The following BRIP1 variants were observed in gnomAD, a reference collection of about 807,000 sequenced individuals.
BRIP1 encodes the protein BRCA1 interacting DNA helicase 1.
BRIP1 carries 88 observed loss-of-function variants against 119.7 expected under a neutral mutation model. The observed-to-expected ratio is 0.74, with a 90% CI of 0.62 to 0.88. BRIP1 has a LOEUF of 0.88. BRIP1 is among the 40% of genes least tolerant of loss of function. The pLI, the probability that BRIP1 is intolerant of heterozygous loss-of-function variation, is 0.00. For synonymous variants in BRIP1, 443 were observed against 496.5 expected (o/e 0.89, Z 1.43); for missense variants, 1,259 against 1,455.4 (o/e 0.87, Z 2.20).
chr17:61,755,378 G>A lies in BRIP1; in HGVS notation c.2098-10787C>T. On this transcript the variant is annotated intron_variant, in intron 14 of 19. Transcript: ENST00000259008. The surrounding 1 kb of genome is among the most constrained non-coding windows in gnomAD (Gnocchi z 4.5). ...AGTTCAAGACCAGCCTGGGCAACTT[G>A]GCAAAACCCTGTATCTACAAAAGTA... 6.6e-6 allele frequency among the ~76,000 whole-genome samples: 1 copy of A among 151,922 alleles called. No homozygotes were observed. Among genetic ancestry groups the A allele is most frequent in the East Asian group, 1.9e-4 (1 of 5,162 alleles).
In BRIP1 at chr17:61,774,521, A is replaced by G. The variant is rs541069641; in HGVS notation, c.2097+1880T>C. On this transcript the variant is annotated intron_variant, in intron 14 of 19. Coordinates refer to ENST00000259008, the MANE Select transcript of BRIP1 (RefSeq NM_032043.3). The surrounding 1 kb of genome is among the most constrained non-coding windows in gnomAD (Gnocchi z 5.8). The stretch of plus-strand genomic sequence containing the variant: ...GATGGGTGCAGCAAACCAGCATGGC[A>G]CATGTATACGTATGTAACAAACCTG... Among the ~76,000 whole-genome samples, 92 of 152,332 alleles carry G rather than the reference A, an allele frequency of 6.0e-4. 1 individual carries two copies. The highest frequency in any genetic ancestry group is 6.0e-3 in the Admixed American group (92 of 15,304).
In BRIP1 at chr17:61,710,171, T is replaced by A. The variant is rs1413367188; in HGVS notation, c.2492+5780A>T. 2.0e-5 allele frequency among the ~76,000 whole-genome samples: 3 copies of A among 152,146 alleles called. No individual in the cohort carries two copies. Among genetic ancestry groups the A allele is most frequent in the African/African-American group, 4.8e-5 (2 of 41,448 alleles). ...TAGCTGGGCTCTCCATTTAAAAAAA[T>A]TAATAAAATTCTAAAAGTACAGTAT... On this transcript the variant is annotated intron_variant, in intron 17 of 19. Transcript: ENST00000259008. This position sits in a 1 kb window ranked among gnomAD's most constrained non-coding sequence, Gnocchi z 5.4.
chr17:61,797,178 C>T (rs1474149983), intron 9 of BRIP1, among the ~76,000 whole-genome samples: 1 of 151,892 alleles, frequency 6.6e-6, no homozygotes, highest in Non-Finnish European at 1.5e-5. Context: ...ATATTCTAAG[C>T]TATGATACTA....
At chr17:61,838,554 T>C (rs866254302) in intron 6 of BRIP1, among the ~76,000 whole-genome samples, 3 of 129,500 alleles carry the variant, frequency 2.3e-5, no homozygotes, top group African/African-American at 3.4e-5. Context: ...AAAAAATAAA[T>C]AAATAAATAA....
rs1006436757 is a variant in BRIP1, at chr17:61,846,341, G to A, written c.627+760C>T. Among the ~76,000 whole-genome samples the A allele has an allele frequency of 6.6e-5, 10 of 151,790 alleles. No individual in the cohort carries two copies. Among genetic ancestry groups the A allele is most frequent in the South Asian group, 6.2e-4 (3 of 4,806 alleles). On this transcript the variant is annotated intron_variant, in intron 6 of 19. Transcript: ENST00000259008. The surrounding 1 kb of genome is among the most constrained non-coding windows in gnomAD (Gnocchi z 4.3). ...CAGTTTTACCCATTCTTGCTTTTGC[G>A]CCACCAGTACAAATGTCAAGACAAT... is the stretch of plus-strand genomic sequence containing the variant.
chr17:61,805,236 A>G lies in BRIP1; in HGVS notation c.918+3231T>C, dbSNP rs1034075772. On this transcript the variant is annotated intron_variant, in intron 7 of 19. Coordinates refer to ENST00000259008, the MANE Select transcript of BRIP1 (RefSeq NM_032043.3). This position sits in a 1 kb window ranked among gnomAD's most constrained non-coding sequence, Gnocchi z 5.6. ...ATAACCTATAAAAGAATGTCAGCAA[A>G]TCAAAGGACAAGACATGAATAGCTG... is the stretch of plus-strand genomic sequence containing the variant. 3.9e-5 allele frequency among the ~76,000 whole-genome samples: 6 copies of G among 152,164 alleles called. No individual in the cohort carries two copies. Among genetic ancestry groups the G allele is most frequent in the Non-Finnish European group, 8.8e-5 (6 of 68,018 alleles).
In BRIP1 at chr17:61,861,496, A is replaced by G; in HGVS notation, c.44T>C (p.Ile15Thr). ...WSEYTIGGVKIYFPYKAYPSQ... is the reference protein window; with the variant it reads ...WSEYTIGGVKTYFPYKAYPSQ... The stretch of plus-strand genomic sequence containing the variant: ...CGGGTAAGCTTTATAAGGAAAGTAA[A>G]TCTTCACCCCACCAATTGTATATTC... The change falls in exon 2 of 20, where the codon ATT (isoleucine) becomes ACT (threonine). Residue 15 changes from isoleucine to threonine, a missense_variant. This residue lies in a region of BRIP1 where 501 missense variants were observed against 544.0 expected (regional missense o/e 0.92). Transcript: ENST00000259008. The surrounding 1 kb of genome is among the most constrained non-coding windows in gnomAD (Gnocchi z 4.5). 1 of 1,613,528 alleles carries G rather than the reference A, an allele frequency of 6.2e-7. No homozygotes were observed. The highest frequency in any genetic ancestry group is 1.1e-5 in the South Asian group (1 of 91,074).
rs111862379 is a variant in BRIP1 at position 61,829,611 on chromosome 17, A to T, written c.627+17490T>A. On this transcript the variant is annotated intron_variant, in intron 6 of 19. Coordinates refer to ENST00000259008, the MANE Select transcript of BRIP1 (RefSeq NM_032043.3). The stretch of plus-strand genomic sequence containing the variant: ...CATACTTTCCAAAAACTCACAGAGC[A>T]TTTGCCAAGACAGATCGTCAAATTT... Among the ~76,000 whole-genome samples the T allele has an allele frequency of 3.9e-3, 598 of 152,304 alleles. 1 individual carries two copies. The highest frequency in any genetic ancestry group is 6.8e-3 in the Middle Eastern group (2 of 294).
At position 61,695,649 on chromosome 17, in the gene BRIP1, T is replaced by C. The variant is rs1017899951; in HGVS notation, c.2493-2137A>G. ...TTCTTTCCATTTATTTAGAATTTTC[T>C]TTCAATAATGTCTTGCAGTTTTCAG... On this transcript the variant is annotated intron_variant, in intron 17 of 19. Coordinates refer to ENST00000259008, the MANE Select transcript of BRIP1 (RefSeq NM_032043.3). This position sits in a 1 kb window ranked among gnomAD's most constrained non-coding sequence, Gnocchi z 4.3. Among the ~76,000 whole-genome samples, 1 of 152,170 alleles carries C rather than the reference T, an allele frequency of 6.6e-6. No homozygotes were observed. Among genetic ancestry groups the C allele is most frequent in the African/African-American group, 2.4e-5 (1 of 41,456 alleles).
chr17:61,783,395 G>GA (rs1248266059), intron 11 of BRIP1, among the ~76,000 whole-genome samples: 1 of 152,092 alleles, frequency 6.6e-6, no homozygotes, highest in African/African-American at 2.4e-5. Context: ...GTGATGAGGG[G>GA]AAAGACTCTA....
In BRIP1 at chr17:61,795,005, T is replaced by C. The variant is rs2077878450; in HGVS notation, c.1341-1276A>G. Among the ~76,000 whole-genome samples, 1 of 152,074 alleles carries C rather than the reference T, an allele frequency of 6.6e-6. No homozygotes were observed. Among genetic ancestry groups the C allele is most frequent in the African/African-American group, 2.4e-5 (1 of 41,418 alleles). On this transcript the variant is annotated intron_variant, in intron 9 of 19. Coordinates refer to ENST00000259008, the MANE Select transcript of BRIP1 (RefSeq NM_032043.3). This position sits in a 1 kb window ranked among gnomAD's most constrained non-coding sequence, Gnocchi z 5.6. Reference sequence around the variant, plus strand: ...CAATGGGCAAAAATGAATAATGGTATGAACAATGTCAGAGTGATAAGCAGA... The same window carrying C: ...CAATGGGCAAAAATGAATAATGGTACGAACAATGTCAGAGTGATAAGCAGA...
At position 61,756,727 on chromosome 17, in the gene BRIP1, T is replaced by A. The variant is rs556974694; in HGVS notation, c.2098-12136A>T. ...ATAGCTTTTACACAGTTCCAGATGT[T>A]CAGTACATTAATAATACACTAACTC... On this transcript the variant is annotated intron_variant, in intron 14 of 19. Coordinates refer to ENST00000259008, the MANE Select transcript of BRIP1 (RefSeq NM_032043.3). This position sits in a 1 kb window ranked among gnomAD's most constrained non-coding sequence, Gnocchi z 4.3. Among the ~76,000 whole-genome samples, 1 of 152,312 alleles carries A rather than the reference T, an allele frequency of 6.6e-6. No individual in the cohort carries two copies. Among genetic ancestry groups the A allele is most frequent in the East Asian group, 1.9e-4 (1 of 5,188 alleles).
intron 17 of BRIP1, among the ~76,000 whole-genome samples, chr17:61,698,699 A>AT (rs913204995): frequency 6.0e-4 from 90 of 150,342 alleles, no homozygotes; most frequent in Middle Eastern, 3.4e-3. Flanking sequence ...TAGACTTGTT[A>AT]TTTTTTTTTA....
rs1454602993 is a variant in BRIP1 at position 61,845,204 on chromosome 17, CT to C, written c.627+1896del. 2.6e-5 allele frequency among the ~76,000 whole-genome samples: 4 copies of C among 152,162 alleles called. No individual in the cohort carries two copies. The highest frequency in any genetic ancestry group is 5.9e-5 in the Non-Finnish European group (4 of 68,042). ...AACAGAAGAAGCTTCTACATAATTT[CT>C]CCAACTATTAATATAAAGCTTCAGT... On this transcript the variant is annotated intron_variant, in intron 6 of 19. Coordinates refer to ENST00000259008, the MANE Select transcript of BRIP1 (RefSeq NM_032043.3). The surrounding 1 kb of genome is among the most constrained non-coding windows in gnomAD (Gnocchi z 4.2).
At position 61,740,411 on chromosome 17, in the gene BRIP1, G is replaced by A. The variant is rs538670580; in HGVS notation, c.2379+2602C>T. Among the ~76,000 whole-genome samples, 1 of 152,236 alleles carries A rather than the reference G, an allele frequency of 6.6e-6. No individual in the cohort carries two copies. Among genetic ancestry groups the A allele is most frequent in the African/African-American group, 2.4e-5 (1 of 41,530 alleles). On this transcript the variant is annotated intron_variant, in intron 16 of 19. Coordinates refer to ENST00000259008, the MANE Select transcript of BRIP1 (RefSeq NM_032043.3). The surrounding 1 kb of genome is among the most constrained non-coding windows in gnomAD (Gnocchi z 5.4). ...TTTCTATTAAGTTCCCAGGTGATAC[G>A]AATGCACCTGGCCCAGGACCAGACT...
rs890922863 is a variant in BRIP1 at position 61,755,960 on chromosome 17, A to T, written c.2098-11369T>A. Among the ~76,000 whole-genome samples the T allele has an allele frequency of 1.3e-5, 2 of 152,298 alleles. No individual in the cohort carries two copies. Among genetic ancestry groups the T allele is most frequent in the African/African-American group, 4.8e-5 (2 of 41,576 alleles). ...AAAGGGAGAATTTGGTGACTATGAC[A>T]CATTTCCACAGAACACAATGTGTTT... On this transcript the variant is annotated intron_variant, in intron 14 of 19. Coordinates refer to ENST00000259008, the MANE Select transcript of BRIP1 (RefSeq NM_032043.3). This position sits in a 1 kb window ranked among gnomAD's most constrained non-coding sequence, Gnocchi z 4.5.
intron 17 of BRIP1, among the ~76,000 whole-genome samples, chr17:61,714,045 G>T (rs150007098): frequency 1.3e-5 from 2 of 152,068 alleles, no homozygotes; most frequent in Admixed American, 6.5e-5. Flanking sequence ...GCACAGTGGC[G>T]TGTGCCTGGA....
rs1370136946 is a variant in BRIP1 at position 61,808,409 on chromosome 17, G to A, written c.918+58C>T. Reference sequence around the variant, plus strand: ...AAAATGTACATATAAAACACATACTGAGTAATTTAAATATTTTCAGCCTTA... The same window carrying A: ...AAAATGTACATATAAAACACATACTAAGTAATTTAAATATTTTCAGCCTTA... On this transcript the variant is annotated intron_variant, in intron 7 of 19. Transcript: ENST00000259008. This position sits in a 1 kb window ranked among gnomAD's most constrained non-coding sequence, Gnocchi z 4.1. 7 of 1,501,292 alleles carry A rather than the reference G, an allele frequency of 4.7e-6. No individual in the cohort carries two copies. In the Admixed American group the frequency reaches 6.7e-5, roughly 14 times the overall value. The allele number at this position is 1,501,292 out of a possible 1,614,324, so 93.0% of individuals were successfully genotyped here. A position where few individuals can be genotyped will look rare whatever the true frequency, so the allele number is the denominator to read the frequency against.
rs556184594 is a variant in BRIP1 at position 61,722,564 on chromosome 17, A to C, written c.2380-6501T>G. Reference sequence around the variant, plus strand: ...ACTAAAGCAGCTTCTCTTCTTTAACAATATTTTCCTCAAAGAAAGTTGACA... The same window carrying C: ...ACTAAAGCAGCTTCTCTTCTTTAACCATATTTTCCTCAAAGAAAGTTGACA... On this transcript the variant is annotated intron_variant, in intron 16 of 19. Coordinates refer to ENST00000259008, the MANE Select transcript of BRIP1 (RefSeq NM_032043.3). This position sits in a 1 kb window ranked among gnomAD's most constrained non-coding sequence, Gnocchi z 4.6. Among the ~76,000 whole-genome samples, 1 of 152,222 alleles carries C rather than the reference A, an allele frequency of 6.6e-6. No individual in the cohort carries two copies.
Sources: allele counts gnomAD v4.1 joint callset (sites outside exome capture counted in the v4.1 genomes callset), GRCh38; gene constraint gnomAD v4.1.1; regional missense constraint gnomAD v4.1.1; non-coding constraint Gnocchi (gnomAD v3.1); transcripts MANE v1.5; gene names NCBI Gene and HGNC (gene_info 2026-07-23, HGNC 2026-07-21).